MGAT4A: variants seen among roughly 807,000 people sequenced by gnomAD.
MGAT4A encodes N-acetylglucosaminyltransferase IVa.
A neutral mutation model predicts 74.1 loss-of-function variants in MGAT4A; 33 were observed. The observed-to-expected ratio is 0.45, with a 90% CI of 0.34 to 0.60. The LOEUF (loss-of-function observed/expected upper bound fraction) is 0.60, where lower values mean the gene tolerates loss of function less well. MGAT4A is among the 20% of genes least tolerant of loss of function. The pLI is 0.02. For missense variants in MGAT4A, 479 were observed against 628.3 expected, an observed-to-expected ratio of 0.76 and a Z score of 2.54; for synonymous variants, 198 against 210.4, an observed-to-expected ratio of 0.94 and a Z score of 0.51.
intron 8 of MGAT4A, 88 bp downstream of exon 8, chr2:98,655,357 T>C: frequency 9.8e-7 from 1 of 1,019,824 alleles, no homozygotes; most frequent in Non-Finnish European, 1.4e-6. Flanking sequence ...GGGTTTGCAC[T>C]TTCAAAACTT....
chr2:98,689,817 T>G (rs1031052737), intron 2 of MGAT4A, among the ~76,000 whole-genome samples: 1 of 152,088 alleles, frequency 6.6e-6, no homozygotes, highest in Non-Finnish European at 1.5e-5. Context: ...AGTGAGACCC[T>G]GTCTCAACAA....
At chr2:98,692,867 G>C (rs1156357357) in intron 2 of MGAT4A, among the ~76,000 whole-genome samples, 1 of 152,130 alleles carries the variant, frequency 6.6e-6, no homozygotes, top group Non-Finnish European at 1.5e-5. Flanking sequence ...CCATCATTTA[G>C]TGACACATGA....
At chr2:98,721,014 A>T (rs1336175068) in intron 2 of MGAT4A, among the ~76,000 whole-genome samples, 2 of 152,252 alleles carry the variant, frequency 1.3e-5, no homozygotes, top group African/African-American at 4.8e-5. Context: ...GAAAAAAGTC[A>T]AACACAAGAA....
chr2:98,691,081 CAT>C (rs1702188260), intron 2 of MGAT4A, among the ~76,000 whole-genome samples: 1 of 152,096 alleles, frequency 6.6e-6, no homozygotes, highest in Non-Finnish European at 1.5e-5. Context: ...CACAGAAGAA[CAT>C]AGAGAAGCAA....
intron 2 of MGAT4A, among the ~76,000 whole-genome samples, chr2:98,707,170 C>T (rs971850417): frequency 3.9e-5 from 6 of 152,086 alleles, no homozygotes; most frequent in African/African-American, 9.7e-5. Context: ...GCTGAGATCA[C>T]GTCATTGCAC....
chr2:98,645,409 A>G lies in MGAT4A; in HGVS notation c.889+19T>C. On this transcript the variant is annotated intron_variant, in intron 9 of 15. Coordinates refer to ENST00000393487, the MANE Select transcript of MGAT4A (RefSeq NM_012214.3). ...CACAGTTATTTATGAAAAGTAGGTA[A>G]GTGTGACACTTTTCTTACCAATGAA... is the stretch of plus-strand genomic sequence containing the variant. 1 of 1,481,798 alleles carries G rather than the reference A, an allele frequency of 6.7e-7. No homozygotes were observed. The highest frequency in any genetic ancestry group is 1.3e-5 in the South Asian group (1 of 77,536). 91.8% of individuals were successfully genotyped at this position (1,481,798 alleles called of 1,614,324 possible). A position where few individuals can be genotyped will look rare whatever the true frequency, so the allele number is the denominator to read the frequency against.
chr2:98,621,299 T>C lies in MGAT4A; in HGVS notation c.*4267A>G, dbSNP rs757166529. 4 of 1,371,780 alleles carry C rather than the reference T, an allele frequency of 2.9e-6. No homozygotes were observed. Among genetic ancestry groups the C allele is most frequent in the Non-Finnish European group, 3.9e-6 (4 of 1,036,168 alleles). 85.0% of individuals were successfully genotyped at this position (1,371,780 alleles called of 1,614,324 possible). The stretch of plus-strand genomic sequence containing the variant: ...GGAGATGAATGCCTTTCCAAGCCTA[T>C]GAATGAGCTTATGGGCTGAATTCAG... On this transcript the variant is annotated 3_prime_UTR_variant, in exon 16 of 16. Coordinates refer to ENST00000393487, the MANE Select transcript of MGAT4A (RefSeq NM_012214.3).
intron 2 of MGAT4A, among the ~76,000 whole-genome samples, chr2:98,691,893 G>C (rs993125999): frequency 4.6e-5 from 7 of 152,056 alleles, no homozygotes; most frequent in Non-Finnish European, 1.0e-4. Context: ...CTAGGCTAAT[G>C]TGTATGTCTC....
intron 2 of MGAT4A, among the ~76,000 whole-genome samples, chr2:98,687,616 TTCAA>T (rs1262352126): frequency 6.6e-6 from 1 of 152,220 alleles, no homozygotes; most frequent in Admixed American, 6.5e-5. Flanking sequence ...TGGACTTATT[TTCAA>T]TCAAACTACT....
intron 4 of MGAT4A, 134 bp downstream of exon 4, chr2:98,674,901 G>A (rs1015549519): frequency 2.5e-6 from 2 of 802,448 alleles, no homozygotes; most frequent in African/African-American, 3.6e-5. Flanking sequence ...ATGGAGTTTA[G>A]AATGATCTGA....
At chr2:98,689,981 G>A (rs912370047) in intron 2 of MGAT4A, among the ~76,000 whole-genome samples, 21 of 151,788 alleles carry the variant, frequency 1.4e-4, no homozygotes, top group African/African-American at 4.8e-4. Context: ...TAGAAAAGTC[G>A]GCAACCTGAA....
intron 10 of MGAT4A, among the ~76,000 whole-genome samples, chr2:98,641,691 G>GA (rs201848483): frequency 0.023 from 3,352 of 146,932 alleles, 93 homozygotes; most frequent in African/African-American, 0.063. Flanking sequence ...AGAAAAAAAA[G>GA]AAAAAAAAAT....
chr2:98,722,327 G>A (rs1306550354), intron 2 of MGAT4A, among the ~76,000 whole-genome samples: 1 of 152,202 alleles, frequency 6.6e-6, no homozygotes, highest in African/African-American at 2.4e-5. Context: ...AAGAAGGGAG[G>A]AAGCACACAT....
At chr2:98,681,131 C>T (rs561320268) in intron 2 of MGAT4A, among the ~76,000 whole-genome samples, 8 of 152,218 alleles carry the variant, frequency 5.3e-5, no homozygotes, top group East Asian at 3.9e-4. Context: ...TACAGGCGCC[C>T]GCCACCATGC....
At chr2:98,715,254 G>C (rs944393727) in intron 2 of MGAT4A, among the ~76,000 whole-genome samples, 2 of 150,994 alleles carry the variant, frequency 1.3e-5, no homozygotes. Flanking sequence ...AGAGGCAGAG[G>C]GTGCAGTGAG....
At chr2:98,681,659 A>T (rs55730719) in intron 2 of MGAT4A, among the ~76,000 whole-genome samples, 35,922 of 152,084 alleles carry the variant, frequency 0.24, 5,033 homozygotes, top group Non-Finnish European at 0.32. Flanking sequence ...CTAAAATAAA[A>T]TAGAACTCTT....
chr2:98,648,417 T>C (rs1701526417), intron 8 of MGAT4A, among the ~76,000 whole-genome samples: 1 of 152,034 alleles, frequency 6.6e-6, no homozygotes, highest in African/African-American at 2.4e-5. Context: ...GGAGAATCAC[T>C]TGAACCCGGG....
intron 4 of MGAT4A, among the ~76,000 whole-genome samples, chr2:98,674,137 A>C (rs1701948054): frequency 6.6e-6 from 1 of 152,232 alleles, no homozygotes; most frequent in Non-Finnish European, 1.5e-5. Flanking sequence ...TTTATAGATC[A>C]ATGAGAAGAT....
At chr2:98,727,991 T>C (rs1036336074) in intron 1 of MGAT4A, among the ~76,000 whole-genome samples, 2 of 152,126 alleles carry the variant, frequency 1.3e-5, no homozygotes, top group African/African-American at 4.8e-5. Context: ...TGCTACACTT[T>C]CCCTCTCAAA....
Sources: gnomAD v4.1 joint callset for allele counts (sites outside exome capture counted in the v4.1 genomes callset) on GRCh38, gnomAD v4.1.1 for gene constraint, MANE v1.5 for transcripts, NCBI Gene and HGNC (gene_info 2026-07-23, HGNC 2026-07-21) for gene names.